The following TMEM131L variants were observed in gnomAD, a reference collection of about 807,000 sequenced individuals.
TMEM131L encodes the protein transmembrane 131 like, also known as transmembrane protein 131-like.
TMEM131L carries 54 observed loss-of-function variants against 192.2 expected under a neutral mutation model. The ratio of observed to expected loss-of-function variants is 0.28; its 90% confidence interval spans 0.23 to 0.35. The LOEUF is 0.35. Ranked by LOEUF, TMEM131L falls within the 10% of genes least tolerant of loss-of-function variation. TMEM131L has a pLI of 1.00. For synonymous variants in TMEM131L, 701 were observed against 704.9 expected (o/e 0.99, Z 0.09); for missense variants, 1,888 against 1,972.9 (o/e 0.96, Z 0.82).
chr4:153,619,525 A>G (rs1175780854), intron 26 of TMEM131L, among the ~76,000 whole-genome samples: 1 of 152,226 alleles, frequency 6.6e-6, no homozygotes, highest in Non-Finnish European at 1.5e-5. Context: ...GGGGGAAACA[A>G]AGGTGTATAA....
At chr4:153,491,472 T>C (rs1362251257) in intron 3 of TMEM131L, among the ~76,000 whole-genome samples, 2 of 152,162 alleles carry the variant, frequency 1.3e-5, no homozygotes, top group Non-Finnish European at 2.9e-5. Flanking sequence ...CAGTGGTCCT[T>C]ATCAGTTTTT....
Position 153,592,537 on chromosome 4 carries a change from C to G in TMEM131L, c.1875C>G (p.Leu625=). The change falls in exon 18 of 35, where the codon CTC becomes CTG. Residue 625 remains leucine, a synonymous_variant. Transcript: ENST00000409959. The part of the protein sequence containing the change: ...SWPVSLQLLP[L]SLYPKPEALV... ...CGGTCTCCTTGCAGCTCCTGCCTCT[C>G]TCCTTGTACCCTAAACCCGAAGCCC... 1.9e-6 allele frequency: 3 copies of G among 1,614,194 alleles called. No individual in the cohort carries two copies. Among genetic ancestry groups the G allele is most frequent in the Non-Finnish European group, 2.5e-6 (3 of 1,180,012 alleles).
intron 3 of TMEM131L, among the ~76,000 whole-genome samples, chr4:153,506,542 GACTGAT>G (rs1244922678): frequency 6.6e-6 from 1 of 152,070 alleles, no homozygotes; most frequent in African/African-American, 2.4e-5. Context: ...TCAGCAAAAT[GACTGAT>G]ACTAAGTATT....
chr4:153,543,844 A>G (rs1403829130), intron 3 of TMEM131L, among the ~76,000 whole-genome samples: 1 of 152,220 alleles, frequency 6.6e-6, no homozygotes, highest in East Asian at 1.9e-4. Flanking sequence ...CAGCATTTCC[A>G]GCTGTGGGAT....
intron 18 of TMEM131L, among the ~76,000 whole-genome samples, chr4:153,592,971 C>T (rs1731176684): frequency 1.3e-5 from 2 of 152,084 alleles, no homozygotes; most frequent in Admixed American, 6.5e-5. Context: ...GGGAATTGGT[C>T]GCAGGACCCC....
At chr4:153,516,215 A>G (rs1057023019) in intron 3 of TMEM131L, among the ~76,000 whole-genome samples, 1 of 152,178 alleles carries the variant, frequency 6.6e-6, no homozygotes, top group African/African-American at 2.4e-5. Context: ...TGACTGCCTT[A>G]TAGTTCATTA....
intron 26 of TMEM131L, among the ~76,000 whole-genome samples, chr4:153,616,002 A>C (rs551805194): frequency 3.2e-4 from 49 of 151,886 alleles, no homozygotes; most frequent in Non-Finnish European, 6.0e-4. Context: ...CCCTGAGGGC[A>C]TGGGTCTTGC....
At chr4:153,524,267 T>C (rs1291267718) in intron 3 of TMEM131L, among the ~76,000 whole-genome samples, 1 of 152,146 alleles carries the variant, frequency 6.6e-6, no homozygotes, top group African/African-American at 2.4e-5. Flanking sequence ...CCAAGGACTC[T>C]GATGGACCTG....
chr4:153,538,077 C>T (rs1273164067), intron 3 of TMEM131L, among the ~76,000 whole-genome samples: 1 of 152,148 alleles, frequency 6.6e-6, no homozygotes, highest in Non-Finnish European at 1.5e-5. Context: ...TAATGTGTAT[C>T]GGTATTTGAG....
intron 3 of TMEM131L, among the ~76,000 whole-genome samples, chr4:153,484,560 C>T (rs1732173691): frequency 6.6e-6 from 1 of 151,158 alleles, no homozygotes; most frequent in African/African-American, 2.4e-5. Context: ...GCTCTGCCTC[C>T]CGGGTTCATG....
chr4:153,622,819 G>C, intron 28 of TMEM131L, 79 bp from the exon 29 acceptor site: 2 of 1,446,458 alleles, frequency 1.4e-6, no homozygotes, highest in African/African-American at 1.4e-5. Context: ...TACTCCTCCT[G>C]TCACCTCTCT....
At chr4:153,559,923 T>A (rs1265408747) in intron 7 of TMEM131L, among the ~76,000 whole-genome samples, 1 of 152,100 alleles carries the variant, frequency 6.6e-6, no homozygotes, top group Non-Finnish European at 1.5e-5. Flanking sequence ...CTCTAGTTCA[T>A]GGCCACAAGA....
At chr4:153,523,057 G>T (rs1403000921) in intron 3 of TMEM131L, among the ~76,000 whole-genome samples, 1 of 152,122 alleles carries the variant, frequency 6.6e-6, no homozygotes, top group East Asian at 1.9e-4. Flanking sequence ...GGCTTGGTTT[G>T]CTCACCTAAT....
At chr4:153,612,827 G>T (rs1732728632) in intron 26 of TMEM131L, among the ~76,000 whole-genome samples, 2 of 151,984 alleles carry the variant, frequency 1.3e-5, no homozygotes, top group Admixed American at 1.3e-4. Context: ...TATAATAGAA[G>T]AAAATTTTCC....
chr4:153,598,787 T>A (rs1731626437), intron 21 of TMEM131L, 55 bp downstream of exon 21: 11 of 1,356,870 alleles, frequency 8.1e-6, no homozygotes, highest in East Asian at 7.9e-5. Flanking sequence ...AAGCTGAGAG[T>A]GAAAGGATTC....
At chr4:153,608,163 C>G (rs1732369775) in intron 25 of TMEM131L, among the ~76,000 whole-genome samples, 1 of 152,116 alleles carries the variant, frequency 6.6e-6, no homozygotes, top group African/African-American at 2.4e-5. Flanking sequence ...AAATGTGTCC[C>G]TTTTCTACTC....
chr4:153,624,949 C>T lies in TMEM131L; in HGVS notation c.4046-1198C>T, dbSNP rs189818544. ...AAGTGCCCACGTGTACGCGATTCCA[C>T]TCAGCAGTTCTCCGCGTTTTCAGTT... On this transcript the variant is annotated intron_variant, in intron 29 of 34. Transcript: ENST00000409959. Among the ~76,000 whole-genome samples, 112 of 152,364 alleles carry T rather than the reference C, an allele frequency of 7.4e-4. No individual in the cohort carries two copies. The East Asian group carries it at 9.4e-3, about 13-fold the overall frequency.
At chr4:153,602,819 A>C in intron 23 of TMEM131L, 92 bp downstream of exon 23, 1 of 1,101,688 alleles carries the variant, frequency 9.1e-7, no homozygotes, top group Non-Finnish European at 1.3e-6. Flanking sequence ...AGTGTAGTCA[A>C]AGTATATGAA....
chr4:153,576,995 T>A (rs1729994703), intron 7 of TMEM131L, among the ~76,000 whole-genome samples: 1 of 152,174 alleles, frequency 6.6e-6, no homozygotes, highest in Non-Finnish European at 1.5e-5. Context: ...TAGGTAGACC[T>A]TGACCATGTT....
Sources: allele counts gnomAD v4.1 joint callset (sites outside exome capture counted in the v4.1 genomes callset), GRCh38; gene constraint gnomAD v4.1.1; transcripts MANE v1.5; gene names NCBI Gene and HGNC (gene_info 2026-07-23, HGNC 2026-07-21).